The following WWOX variants were observed in gnomAD, a reference collection of about 807,000 sequenced individuals.
WWOX encodes WW domain-containing oxidoreductase.
A neutral mutation model predicts 46.2 loss-of-function variants in WWOX; 69 were observed. The ratio of observed to expected loss-of-function variants is 1.49; its 90% CI spans 1.23 to 1.82. WWOX has a LOEUF of 1.82. Among genes scored for constraint, WWOX ranks in the 40% most tolerant of loss-of-function variants. WWOX has a pLI of 0.00. For synonymous variants in WWOX, 359 were observed against 202.6 expected (o/e 1.77, Z -6.56); for missense variants, 919 against 542.6 (o/e 1.69, Z -6.89).
At chr16:78,327,142 T>G (rs2080642389) in intron 5 of WWOX, among the ~76,000 whole-genome samples, 1 of 152,140 alleles carries the variant, frequency 6.6e-6, no homozygotes, top group Non-Finnish European at 1.5e-5. Flanking sequence ...AAGAATCTGG[T>G]GAAGGCCATC....
chr16:78,428,278 G>A (rs1000506052), intron 7 of WWOX, among the ~76,000 whole-genome samples: 2 of 152,212 alleles, frequency 1.3e-5, no homozygotes, highest in Non-Finnish European at 2.9e-5. Context: ...AGCATCTAAA[G>A]AGTTGTTTTA....
In WWOX at chr16:78,177,861, C is replaced by T. The variant is rs956388975; in HGVS notation, c.516+13572C>T. Among the ~76,000 whole-genome samples, 6 of 152,272 alleles carry T rather than the reference C, an allele frequency of 3.9e-5. No homozygotes were observed. In the East Asian group the frequency reaches 7.7e-4, roughly 20 times the overall value. On this transcript the variant is annotated intron_variant, in intron 5 of 8. Transcript: ENST00000566780. ...GCGCAAAGAGCAGAAAAGGACGAGACGGGGACTGAACAGACTTGCTTAGTT... is the reference window on the plus strand; with the variant it reads ...GCGCAAAGAGCAGAAAAGGACGAGATGGGGACTGAACAGACTTGCTTAGTT...
At chr16:78,572,713 T>C (rs2044748187) in intron 8 of WWOX, among the ~76,000 whole-genome samples, 1 of 150,156 alleles carries the variant, frequency 6.7e-6, no homozygotes, top group Non-Finnish European at 1.5e-5. Context: ...GGATATTTGA[T>C]AAAACTATAA....
chr16:78,296,222 T>A (rs1247966529), intron 5 of WWOX, among the ~76,000 whole-genome samples: 2 of 152,180 alleles, frequency 1.3e-5, no homozygotes, highest in East Asian at 1.9e-4. Flanking sequence ...ATCTGTATTG[T>A]TTGGTGCTTT....
intron 8 of WWOX, among the ~76,000 whole-genome samples, chr16:79,049,307 G>T (rs1437126846): frequency 6.6e-6 from 1 of 152,216 alleles, no homozygotes; most frequent in Non-Finnish European, 1.5e-5. Flanking sequence ...AAGCATAATA[G>T]TGCAAGCAGC....
At chr16:79,012,739 T>A (rs2047336516) in intron 8 of WWOX, among the ~76,000 whole-genome samples, 1 of 152,194 alleles carries the variant, frequency 6.6e-6, no homozygotes, top group Admixed American at 6.5e-5. Flanking sequence ...GTGCCCTTTT[T>A]TCCTCCCCTG....
intron 8 of WWOX, among the ~76,000 whole-genome samples, chr16:79,075,360 CCA>C (rs1041839637): frequency 2.6e-5 from 4 of 152,208 alleles, no homozygotes; most frequent in Non-Finnish European, 4.4e-5. Flanking sequence ...ACTTATGCTT[CCA>C]CCACCTTAAC....
intron 5 of WWOX, among the ~76,000 whole-genome samples, chr16:78,233,739 G>A (rs2037347485): frequency 6.6e-6 from 1 of 152,170 alleles, no homozygotes; most frequent in Non-Finnish European, 1.5e-5. Context: ...GTGTTAGCCA[G>A]GATGGTCTAG....
chr16:79,140,373 C>T (rs1351748233), intron 8 of WWOX, among the ~76,000 whole-genome samples: 2 of 152,170 alleles, frequency 1.3e-5, no homozygotes, highest in Non-Finnish European at 1.5e-5. Flanking sequence ...ATCGAACTTC[C>T]ACCGCAGCAT....
At chr16:78,817,172 CTTTTT>C (rs33981779) in intron 8 of WWOX, among the ~76,000 whole-genome samples, 136 of 51,570 alleles carry the variant, frequency 2.6e-3, no homozygotes, top group African/African-American at 8.7e-3. Context: ...TAGTGCTATT[CTTTTT>C]TTTTTTTTTT....
intron 8 of WWOX, among the ~76,000 whole-genome samples, chr16:79,024,880 C>G (rs148591858): frequency 1.3e-5 from 2 of 152,306 alleles, no homozygotes; most frequent in African/African-American, 4.8e-5. Flanking sequence ...GCTGGAAATA[C>G]ATTTCTAAAG....
At chr16:79,002,501 G>A (rs187303009) in intron 8 of WWOX, among the ~76,000 whole-genome samples, 4 of 152,232 alleles carry the variant, frequency 2.6e-5, no homozygotes, top group Admixed American at 2.6e-4. Flanking sequence ...GGGATTACAG[G>A]TGTGAGCCAC....
intron 8 of WWOX, among the ~76,000 whole-genome samples, chr16:79,069,252 A>T (rs1164221609): frequency 6.6e-6 from 1 of 152,192 alleles, no homozygotes; most frequent in Non-Finnish European, 1.5e-5. Context: ...AGTACGATTA[A>T]TGCTGTTTAG....
chr16:79,211,459 C>G lies in WWOX; in HGVS notation c.1057-149C>G, dbSNP rs1029544179. 8 of 962,158 alleles carry G rather than the reference C, an allele frequency of 8.3e-6. No individual in the cohort carries two copies. In the South Asian group the frequency reaches 9.9e-5, roughly 12 times the overall value. 59.6% of individuals were successfully genotyped at this position (962,158 alleles called of 1,614,324 possible). ...ACATTATACTTTTTACAGTCATGTGCTTTCAGCCCAGTACCCTTTGCTATG... is the reference window on the plus strand; with the variant it reads ...ACATTATACTTTTTACAGTCATGTGGTTTCAGCCCAGTACCCTTTGCTATG... On this transcript the variant is annotated intron_variant, in intron 8 of 8. Coordinates refer to ENST00000566780, the MANE Select transcript of WWOX (RefSeq NM_016373.4).
chr16:78,966,830 C>G (rs1385294467), intron 8 of WWOX, among the ~76,000 whole-genome samples: 1 of 152,108 alleles, frequency 6.6e-6, no homozygotes, highest in Non-Finnish European at 1.5e-5. Flanking sequence ...CTGCTTTGGG[C>G]CTCGGGTACT....
chr16:79,169,658 A>G (rs953229507), intron 8 of WWOX, among the ~76,000 whole-genome samples: 3 of 152,216 alleles, frequency 2.0e-5, no homozygotes, highest in Admixed American at 6.5e-5. Flanking sequence ...ACCAACAACT[A>G]GGAAGGTAGG....
chr16:78,376,323 G>C (rs970417307), intron 5 of WWOX, among the ~76,000 whole-genome samples: 3 of 152,192 alleles, frequency 2.0e-5, no homozygotes, highest in Admixed American at 6.5e-5. Context: ...ACATTCTTTA[G>C]TGGAACTACA....
intron 8 of WWOX, among the ~76,000 whole-genome samples, chr16:79,034,728 G>T (rs1276074003): frequency 6.6e-6 from 1 of 150,848 alleles, no homozygotes; most frequent in African/African-American, 2.4e-5. Context: ...ATACTTCTCT[G>T]ATCAGAGCAT....
intron 8 of WWOX, among the ~76,000 whole-genome samples, chr16:78,459,638 T>C (rs1011271412): frequency 3.9e-5 from 6 of 152,230 alleles, no homozygotes; most frequent in African/African-American, 1.2e-4. Context: ...CGTGTGCCAT[T>C]ATTATAGATT....
Sources: gnomAD v4.1 joint callset for allele counts (sites outside exome capture counted in the v4.1 genomes callset) on GRCh38, gnomAD v4.1.1 for gene constraint, MANE v1.5 for transcripts, NCBI Gene and HGNC (gene_info 2026-07-23, HGNC 2026-07-21) for gene names.